The following PBX4 variants were observed in gnomAD, a reference collection of about 807,000 sequenced individuals.
PBX4 encodes PBX homeobox 4, also known as pre-B-cell leukemia transcription factor 4.
A neutral mutation model predicts 35.1 loss-of-function variants in PBX4; 26 were observed. The observed-to-expected ratio is 0.74, with a 90% CI of 0.54 to 1.03. The LOEUF is 1.03. Ranked by LOEUF, PBX4 falls within the 50% of genes least tolerant of loss-of-function variation. The pLI is 0.00. For synonymous variants in PBX4, 199 were observed against 204.2 expected, an observed-to-expected ratio of 0.97 and a Z score of 0.22; for missense variants, 448 against 504.3, an observed-to-expected ratio of 0.89 and a Z score of 1.07.
At chr19:19,603,080 T>C (rs1362455944) in intron 1 of PBX4, among the ~76,000 whole-genome samples, 1 of 152,178 alleles carries the variant, frequency 6.6e-6, no homozygotes, top group African/African-American at 2.4e-5. Context: ...GAAATCACTA[T>C]AAAAGTTCTG....
At chr19:19,571,239 C>G (rs1008990642) in intron 2 of PBX4, among the ~76,000 whole-genome samples, 2 of 152,124 alleles carry the variant, frequency 1.3e-5, no homozygotes, top group Non-Finnish European at 2.9e-5. Context: ...AAGTGGCAGG[C>G]TGGCATTGGC....
chr19:19,615,448 A>G (rs1157892171), intron 1 of PBX4, among the ~76,000 whole-genome samples: 1 of 152,222 alleles, frequency 6.6e-6, no homozygotes, highest in Non-Finnish European at 1.5e-5. Flanking sequence ...CCTGAGAAGC[A>G]AAGGAAAGAA....
intron 5 of PBX4, among the ~76,000 whole-genome samples, chr19:19,568,035 C>T (rs757731870): frequency 1.3e-5 from 2 of 150,816 alleles, no homozygotes; most frequent in Non-Finnish European, 3.0e-5. Context: ...CATCTTTATC[C>T]CTCAGGGAGC....
intron 6 of PBX4, among the ~76,000 whole-genome samples, chr19:19,564,262 G>A (rs1051862787): frequency 6.7e-5 from 10 of 150,074 alleles, no homozygotes; most frequent in Admixed American, 2.0e-4. Flanking sequence ...TTGTTCTTGC[G>A]ATAGTTTACT....
intron 1 of PBX4, among the ~76,000 whole-genome samples, chr19:19,612,987 TA>T (rs1232570885): frequency 2.0e-5 from 3 of 151,954 alleles, no homozygotes; most frequent in Admixed American, 1.3e-4. Flanking sequence ...CATGCCCAGC[TA>T]ATTTTTGTAT....
Position 19,593,377 on chromosome 19 carries a change from G to A in PBX4, c.193+5915C>T, listed in dbSNP as rs1220369424. Among the ~76,000 whole-genome samples the A allele has an allele frequency of 3.3e-5, 5 of 152,302 alleles. No homozygotes were observed. In the East Asian group the frequency reaches 9.7e-4, roughly 29 times the overall value. On this transcript the variant is annotated intron_variant, in intron 2 of 7. Transcript: ENST00000251203. The stretch of plus-strand genomic sequence containing the variant: ...AAGAGGCGGCCCGTGGGTACCACAG[G>A]GTGCAGGATCAGGACCATGAACAGT...
At position 19,564,992 on chromosome 19, in the gene PBX4, T is replaced by C; in HGVS notation, c.866A>G (p.Asp289Gly). The C allele has an allele frequency of 6.2e-7, 1 of 1,614,234 alleles. No individual in the cohort carries two copies. Among genetic ancestry groups the C allele is most frequent in the Non-Finnish European group, 8.5e-7 (1 of 1,180,034 alleles). ...CCCTGGGACCCCAACTTCCGTGGTA[T>C]CCACAGCCGTTTTACCCGTGTAAAT... ...ATIYTGKTAV[D>G]TTEVGVPGNH... Residue 289 changes from aspartate (D) to glycine (G), a missense_variant, in exon 6 of 8, where the codon GAT becomes GGT. By Grantham distance (94) the Asp-to-Gly change is moderately conservative (BLOSUM62 -1). Coordinates refer to ENST00000251203, the MANE Select transcript of PBX4 (RefSeq NM_025245.3).
At chr19:19,603,149 C>T (rs2061608174) in intron 1 of PBX4, among the ~76,000 whole-genome samples, 2 of 152,150 alleles carry the variant, frequency 1.3e-5, no homozygotes, top group South Asian at 4.1e-4. Flanking sequence ...CCCATGTGGC[C>T]CTGCCTGGCA....
intron 2 of PBX4, among the ~76,000 whole-genome samples, chr19:19,572,639 C>T (rs976506020): frequency 2.4e-4 from 35 of 145,288 alleles, no homozygotes; most frequent in East Asian, 2.0e-3. Flanking sequence ...CCAAGGTGGG[C>T]GGATCACCTG....
chr19:19,586,704 G>A (rs1418283095), intron 2 of PBX4, among the ~76,000 whole-genome samples: 6 of 151,978 alleles, frequency 3.9e-5, no homozygotes, highest in Admixed American at 3.9e-4. Context: ...CCAGCACTTT[G>A]GGAGGCCACG....
At position 19,564,951 on chromosome 19, in the gene PBX4, G is replaced by T. The variant is rs2061331893; in HGVS notation, c.907C>A (p.Leu303Met). 1.2e-6 allele frequency: 2 copies of T among 1,614,280 alleles called. No individual in the cohort carries two copies. The highest frequency in any genetic ancestry group is 2.7e-5 in the African/African-American group (2 of 75,082). Residue 303 changes from leucine (L) to methionine (M), a missense_variant, in exon 6 of 8, where the codon CTG becomes ATG. Physicochemically the swap from Leu to Met is conservative, Grantham distance 15. Coordinates refer to ENST00000251203, the MANE Select transcript of PBX4 (RefSeq NM_025245.3). ...CACTCACCGGAGCTAGGTGTTGACA[G>T]GCAGCTGGCGTGGTTCCCTGGGACC... is the stretch of plus-strand genomic sequence containing the variant. Reference protein sequence around the residue: ...VGVPGNHASCLSTPSSGSSGP... With the variant: ...VGVPGNHASCMSTPSSGSSGP...
At chr19:19,572,723 G>A (rs539710473) in intron 2 of PBX4, among the ~76,000 whole-genome samples, 3 of 151,596 alleles carry the variant, frequency 2.0e-5, no homozygotes, top group Admixed American at 6.6e-5. Context: ...GCATGGTGTC[G>A]AGTGTCTGTA....
Position 19,564,907 on chromosome 19 carries a change from A to T in PBX4, c.925+26T>A, listed in dbSNP as rs903709425. On this transcript the variant is annotated intron_variant, in intron 6 of 7. Transcript: ENST00000251203. ...GTGGCCGTCCACATGGGTACAGATG[A>T]CTGTCCCTGGGCCAGCCTCACTCAC... 5.6e-6 allele frequency: 9 copies of T among 1,613,972 alleles called. No homozygotes were observed. In the African/African-American group the frequency reaches 1.2e-4, roughly 22 times the overall value.
At chr19:19,605,840 ATTTTTT>A (rs71338333) in intron 1 of PBX4, among the ~76,000 whole-genome samples, 4 of 123,094 alleles carry the variant, frequency 3.2e-5, no homozygotes, top group African/African-American at 1.2e-4. Flanking sequence ...AGGCTCTAGG[ATTTTTT>A]TTTTTTTTTT....
intron 2 of PBX4, among the ~76,000 whole-genome samples, chr19:19,580,360 G>C (rs928290353): frequency 6.6e-6 from 1 of 152,178 alleles, no homozygotes; most frequent in Non-Finnish European, 1.5e-5. Context: ...GCTTGCCCTG[G>C]GGGGATAAGA....
At chr19:19,585,474 G>C (rs1344759259) in intron 2 of PBX4, among the ~76,000 whole-genome samples, 1 of 151,986 alleles carries the variant, frequency 6.6e-6, no homozygotes, top group African/African-American at 2.4e-5. Flanking sequence ...ACCCAACTGA[G>C]GGATTATCAC....
chr19:19,582,506 C>T (rs1467305542), intron 2 of PBX4, among the ~76,000 whole-genome samples: 3 of 152,240 alleles, frequency 2.0e-5, no homozygotes, highest in East Asian at 1.9e-4. Context: ...AGTCACTGAG[C>T]GGCCCAACTC....
In PBX4 at chr19:19,570,183, G is replaced by A. The variant is rs749821697; in HGVS notation, c.558C>T (p.Ser186=). 1.3e-5 allele frequency: 21 copies of A among 1,613,928 alleles called. No homozygotes were observed. The highest frequency in any genetic ancestry group is 1.6e-5 in the Non-Finnish European group (19 of 1,180,016). The change falls in exon 4 of 8, where the codon AGC becomes AGT. Residue 186 remains serine, a synonymous_variant. Coordinates refer to ENST00000251203, the MANE Select transcript of PBX4 (RefSeq NM_025245.3). The stretch of plus-strand genomic sequence containing the variant: ...TCTGCTTCAACTGCATCTGGATGGC[G>A]CTGAACTTGCCGTGAATGGCGCCGA... The part of the protein sequence containing the change: ...RMVGAIHGKF[S]AIQMQLKQST...
intron 5 of PBX4, among the ~76,000 whole-genome samples, chr19:19,569,068 T>C (rs865779962): frequency 5.9e-5 from 9 of 152,104 alleles, no homozygotes; most frequent in Non-Finnish European, 7.4e-5. Flanking sequence ...ACACTTTTTT[T>C]GTTTTTCAGA....
Sources: allele counts gnomAD v4.1 joint callset (sites outside exome capture counted in the v4.1 genomes callset), GRCh38; gene constraint gnomAD v4.1.1; transcripts MANE v1.5; gene names NCBI Gene and HGNC (gene_info 2026-07-23, HGNC 2026-07-21).